TENM1: variants seen among roughly 807,000 people sequenced by gnomAD.
TENM1 encodes the protein teneurin-1.
In TENM1, 35 loss-of-function variants were observed where a neutral mutation model predicts 174.8. That is an observed-to-expected ratio of 0.20 (90% CI 0.15 to 0.27). The LOEUF is 0.27. Ranked by LOEUF, TENM1 falls within the 10% of genes least tolerant of loss-of-function variation. The probability of loss-of-function intolerance (pLI) is 1.00; values close to 1 mark genes in which losing one functional copy is unlikely to be tolerated. For synonymous variants in TENM1, 781 were observed against 798.7 expected (o/e 0.98, Z 0.37); for missense variants, 1,633 against 2,130.1 (o/e 0.77, Z 4.59).
chrX:124,462,317 T>C (rs1320415286), intron 22 of TENM1, among the ~76,000 whole-genome samples: 3 of 109,322 alleles, frequency 2.7e-5, no homozygotes, highest in Non-Finnish European at 3.8e-5. Context: ...GTTCCTTGAA[T>C]CACTGCTTGG....
the TENM1 span, among the ~76,000 whole-genome samples, chrX:125,009,299 T>G: frequency 1.8e-5 from 2 of 111,075 alleles, no homozygotes. Flanking sequence ...AATGGATAAA[T>G]TCCTGGATAC....
At position 124,641,788 on chromosome X, in the gene TENM1, C is replaced by A; in HGVS notation, c.2077+3G>T. 2 of 1,208,343 alleles carry A rather than the reference C, an allele frequency of 1.7e-6. No individual in the cohort carries two copies. Among genetic ancestry groups the A allele is most frequent in the South Asian group, 1.8e-5 (1 of 56,896 alleles). ...AAGGAGAAGGAAATTAACTCCACTA[C>A]ACCTGTTGAGCAGTCAGATCCTGTC... is the stretch of plus-strand genomic sequence containing the variant. On this transcript the variant is annotated splice_donor_region_variant and intron_variant, in intron 11 of 31. Coordinates refer to ENST00000422452, the Ensembl canonical transcript of TENM1.
the TENM1 span, among the ~76,000 whole-genome samples, chrX:124,999,843 G>A: frequency 9.0e-6 from 1 of 111,523 alleles, no homozygotes; most frequent in Non-Finnish European, 1.9e-5. Context: ...CACTGACCTT[G>A]CTTTAAAGAC....
rs1247424285 is a variant in TENM1, at chrX:124,471,444, AGTACT to A, written c.3949+10283_3949+10287del. ...ATATATTATATATTATATAATATAT[AGTACT>A]ATATATAATACTATATATAATATAT... is the stretch of plus-strand genomic sequence containing the variant. On this transcript the variant is annotated intron_variant, in intron 22 of 31. Coordinates refer to ENST00000422452, the Ensembl canonical transcript of TENM1. Among the ~76,000 whole-genome samples the A allele has an allele frequency of 3.2e-4, 13 of 40,380 alleles. 2 individuals are homozygous for A. Among genetic ancestry groups the A allele is most frequent in the African/African-American group, 4.8e-4 (4 of 8,356 alleles). The allele number at this position is 40,380 out of a possible 115,157, so 35.1% of individuals were successfully genotyped here. A position where few individuals can be genotyped will look rare whatever the true frequency, so the allele number is the denominator to read the frequency against.
At chrX:124,462,420 G>C (rs373600618) in intron 22 of TENM1, among the ~76,000 whole-genome samples, 1 of 75,862 alleles carries the variant, frequency 1.3e-5, no homozygotes, top group East Asian at 3.7e-4. Flanking sequence ...TTGAGATACT[G>C]TGTGTGTGTG....
chrX:124,958,938 A>G (rs2058616008), intron 1 of TENM1, among the ~76,000 whole-genome samples: 1 of 111,053 alleles, frequency 9.0e-6, no homozygotes, highest in Non-Finnish European at 1.9e-5. Context: ...AGTTTACATA[A>G]CTAGTAAACT....
At chrX:125,196,562 A>G in the TENM1 span, among the ~76,000 whole-genome samples, 377 of 111,910 alleles carry the variant, frequency 3.4e-3, 6 homozygotes, top group African/African-American at 0.012. Context: ...GATAAGGCAC[A>G]GAGTTTAAAT....
chrX:124,972,598 T>C, the TENM1 span, among the ~76,000 whole-genome samples: 1 of 112,343 alleles, frequency 8.9e-6, no homozygotes, highest in African/African-American at 3.2e-5. Flanking sequence ...TACATAAGCA[T>C]ATAAAGCTTA....
the TENM1 span, among the ~76,000 whole-genome samples, chrX:125,120,357 A>G: frequency 9.0e-6 from 1 of 111,090 alleles, no homozygotes; most frequent in African/African-American, 3.3e-5. Flanking sequence ...CAGGATGTGC[A>G]GGTTTGTTAC....
At chrX:124,764,836 C>T (rs1321172673) in intron 3 of TENM1, among the ~76,000 whole-genome samples, 3 of 110,598 alleles carry the variant, frequency 2.7e-5, no homozygotes, top group Non-Finnish European at 5.7e-5. Flanking sequence ...TTGCATATTT[C>T]CTGTCCTGCA....
At chrX:124,973,496 G>A in the TENM1 span, among the ~76,000 whole-genome samples, 1 of 111,604 alleles carries the variant, frequency 9.0e-6, no homozygotes, top group Admixed American at 9.6e-5. Context: ...ACTTTGGGCG[G>A]TATGGCCATT....
At chrX:124,419,168 A>G (rs774448175) in intron 25 of TENM1, among the ~76,000 whole-genome samples, 68 of 112,292 alleles carry the variant, frequency 6.1e-4, no homozygotes, top group Non-Finnish European at 1.2e-3. Flanking sequence ...AACTGAATAC[A>G]TTTTTCTAAG....
chrX:124,732,680 T>A (rs2053590455), intron 4 of TENM1, among the ~76,000 whole-genome samples: 1 of 111,492 alleles, frequency 9.0e-6, no homozygotes, highest in South Asian at 3.8e-4. Flanking sequence ...GCTGAAGGGA[T>A]GAGGTGAGAG....
intron 22 of TENM1, among the ~76,000 whole-genome samples, chrX:124,463,836 G>T (rs911957070): frequency 5.5e-5 from 5 of 90,944 alleles, no homozygotes; most frequent in African/African-American, 1.2e-4. Flanking sequence ...TAGAGGTTGG[G>T]GTGTGTGTGT....
At chrX:124,640,657 A>C (rs764426657) in intron 11 of TENM1, among the ~76,000 whole-genome samples, 18 of 111,836 alleles carry the variant, frequency 1.6e-4, no homozygotes, top group Admixed American at 1.5e-3. Flanking sequence ...AGCAATGTGC[A>C]TGGTAAGATT....
intron 3 of TENM1, among the ~76,000 whole-genome samples, chrX:124,848,772 T>C (rs1463309982): frequency 1.8e-5 from 2 of 111,077 alleles, no homozygotes. Flanking sequence ...TATACTGTCA[T>C]AGATATTCAA....
intron 16 of TENM1, among the ~76,000 whole-genome samples, chrX:124,529,076 G>A (rs1456128343): frequency 9.0e-6 from 1 of 111,355 alleles, no homozygotes; most frequent in Non-Finnish European, 1.9e-5. Flanking sequence ...TTATTGAAGT[G>A]GCTTGTTATG....
At chrX:124,471,397 A>C (rs189659326) in intron 22 of TENM1, among the ~76,000 whole-genome samples, 5 of 27,721 alleles carry the variant, frequency 1.8e-4, no homozygotes, top group African/African-American at 7.7e-4. Flanking sequence ...ACTATATATA[A>C]TATATATTAT....
intron 3 of TENM1, among the ~76,000 whole-genome samples, chrX:124,892,001 G>A (rs775257009): frequency 8.9e-6 from 1 of 111,765 alleles, no homozygotes; most frequent in African/African-American, 3.3e-5. Context: ...ATGATTGTTA[G>A]GATATAAAAT....
Sources: gnomAD v4.1 joint callset for allele counts (sites outside exome capture counted in the v4.1 genomes callset) on GRCh38, gnomAD v4.1.1 for gene constraint, MANE v1.5 for transcripts, NCBI Gene and HGNC (gene_info 2026-07-23, HGNC 2026-07-21) for gene names.